The following PKD1L3 variants were observed in gnomAD, a reference collection of about 807,000 sequenced individuals.
PKD1L3 encodes the protein polycystin 1 like 3, transient receptor potential channel interacting, also known as polycystin-1-like protein 3.
Under a neutral mutation model 184.1 loss-of-function variants are expected in PKD1L3, and 239 were observed. The observed-to-expected ratio is 1.30, with a 90% CI of 1.17 to 1.45. PKD1L3 has a LOEUF of 1.45. PKD1L3 is among the 40% of genes most tolerant of loss of function. The pLI, the probability that PKD1L3 is intolerant of heterozygous loss-of-function variation, is 0.00. For synonymous variants in PKD1L3, 996 were observed against 778.8 expected, an observed-to-expected ratio of 1.28 and a Z score of -4.64; for missense variants, 2,660 against 2,067.2, an observed-to-expected ratio of 1.29 and a Z score of -5.56.
chr16:71,981,392 T>G (rs2040147671), intron 7 of PKD1L3, among the ~76,000 whole-genome samples: 1 of 152,230 alleles, frequency 6.6e-6, no homozygotes, highest in East Asian at 1.9e-4. Context: ...CTTGTTATTT[T>G]CTGTCTTTTT....
At chr16:71,945,010 A>C (rs1047118044) in intron 22 of PKD1L3, among the ~76,000 whole-genome samples, 1 of 151,542 alleles carries the variant, frequency 6.6e-6, no homozygotes, top group Non-Finnish European at 1.5e-5. Flanking sequence ...AAGCAGAAGC[A>C]TGCAAAATAC....
chr16:71,980,837 A>G (rs2040121829), intron 7 of PKD1L3, among the ~76,000 whole-genome samples: 1 of 152,188 alleles, frequency 6.6e-6, no homozygotes, highest in South Asian at 2.1e-4. Context: ...TCTGTCTCAT[A>G]AAATAAAATA....
At position 71,970,104 on chromosome 16, in the gene PKD1L3, A is replaced by C. The variant is rs973073805; in HGVS notation, c.1955T>G (p.Val652Gly). 3 of 1,550,786 alleles carry C rather than the reference A, an allele frequency of 1.9e-6. No individual in the cohort carries two copies. Among genetic ancestry groups the C allele is most frequent in the Non-Finnish European group, 2.6e-6 (3 of 1,146,314 alleles). Residue 652 changes from valine to glycine, a missense_variant and splice_region_variant, in exon 13 of 30, where the codon GTT (valine) becomes GGT (glycine). Val to Gly is a moderately radical substitution (Grantham distance 109). Transcript: ENST00000620267. ...CCTCAGAATTGTGCTCTGTGGCCCA[A>C]CCTGGAATTAGAATCAAGACGTTGA... ...NQTWSSAGCQ[V>G]GPQSTILRTQ...
intron 19 of PKD1L3, 33 bp from the exon 20 acceptor site, chr16:71,950,343 A>G: frequency 1.3e-6 from 2 of 1,482,750 alleles, no homozygotes; most frequent in Non-Finnish European, 1.8e-6. Context: ...CACTTTCACA[A>G]GTGGATTTCA....
intron 25 of PKD1L3, among the ~76,000 whole-genome samples, chr16:71,936,671 G>C (rs36060188): frequency 3.0e-4 from 45 of 152,012 alleles, no homozygotes; most frequent in Middle Eastern, 3.4e-3. Context: ...ATTTTTAGTA[G>C]AGACGGCATT....
chr16:71,948,646 G>C (rs767042645), intron 21 of PKD1L3, among the ~76,000 whole-genome samples: 2 of 151,878 alleles, frequency 1.3e-5, no homozygotes, highest in African/African-American at 2.4e-5. Flanking sequence ...CATTTCCTTG[G>C]CATTACTGTG....
intron 11 of PKD1L3, among the ~76,000 whole-genome samples, chr16:71,973,865 G>A (rs147885513): frequency 1.9e-3 from 286 of 152,198 alleles, no homozygotes; most frequent in South Asian, 4.0e-3. Context: ...AGTGGGGTGT[G>A]GTGATGTGAG....
chr16:71,957,035 T>C (rs1390646717), intron 16 of PKD1L3, among the ~76,000 whole-genome samples: 3 of 152,228 alleles, frequency 2.0e-5, no homozygotes, highest in South Asian at 2.1e-4. Flanking sequence ...TTGTATACTA[T>C]TGAAATTAAG....
Position 71,954,217 on chromosome 16 carries a change from C to G in PKD1L3, c.2697G>C (p.Gln899His). 6.4e-7 allele frequency: 1 copy of G among 1,551,460 alleles called. No homozygotes were observed. ...LSIATRHPWN[Q>H]FTRVQRLSCC... The stretch of plus-strand genomic sequence containing the variant: ...AAGACAGCCGTTGGACCCTTGTAAA[C>G]TGGTTCCAGGGATGCCGAGTTGCAA... The change falls in exon 17 of 30, where the codon CAG becomes CAC. Residue 899 changes from glutamine (Q) to histidine (H), a missense_variant. Transcript: ENST00000620267.
chr16:71,931,275 T>C (rs1434075884), intron 28 of PKD1L3: 1 of 152,052 alleles, frequency 6.6e-6, no homozygotes, highest in Non-Finnish European at 1.5e-5. Flanking sequence ...CCCCTAGTTA[T>C]TGGAGCTAGA....
chr16:71,963,169 C>G (rs2143532011), intron 16 of PKD1L3, 36 bp downstream of exon 16: 2 of 1,490,442 alleles, frequency 1.3e-6, no homozygotes, highest in Non-Finnish European at 1.8e-6. Context: ...TAGTGAACAT[C>G]AATATTCACT....
intron 10 of PKD1L3, among the ~76,000 whole-genome samples, chr16:71,978,014 T>C (rs1431355765): frequency 6.6e-6 from 1 of 152,136 alleles, no homozygotes; most frequent in African/African-American, 2.4e-5. Context: ...CCTCAAGTGA[T>C]CTGCCTGCCT....
Position 71,950,287 on chromosome 16 carries a change from AATG to A in PKD1L3, c.3211_3213del (p.His1071del). 1.3e-6 allele frequency: 2 copies of A among 1,528,110 alleles called. 1 individual carries two copies. Among genetic ancestry groups the A allele is most frequent in the Non-Finnish European group, 1.8e-6 (2 of 1,134,672 alleles). The allele number at this position is 1,528,110 out of a possible 1,614,324, so 94.7% of individuals were successfully genotyped here. On this transcript the variant is annotated inframe_deletion, in exon 20 of 30. Coordinates refer to ENST00000620267, the MANE Select transcript of PKD1L3 (RefSeq NM_181536.2). The stretch of plus-strand genomic sequence containing the variant: ...AGAACTCTATGCAGGTAACAGCAGA[AATG>A]ATGGTGGTTTTCAGGAACAACTGAA...
At chr16:71,946,966 T>G (rs1349926791) in intron 22 of PKD1L3, among the ~76,000 whole-genome samples, 3 of 141,688 alleles carry the variant, frequency 2.1e-5, no homozygotes, top group Non-Finnish European at 3.1e-5. Flanking sequence ...AGATCTAAAA[T>G]GTAGGGGAGT....
chr16:71,942,801 A>G lies in PKD1L3; in HGVS notation c.4083T>C (p.Cys1361=), dbSNP rs978768423. 6 of 1,551,468 alleles carry G rather than the reference A, an allele frequency of 3.9e-6. No individual in the cohort carries two copies. In the African/African-American group the frequency reaches 6.8e-5, roughly 18 times the overall value. ...GTATTTGGAAAATTAATTGTACCCC[A>G]CATTTGCAATGACTGGGCTCCAGGA... ...NAVLEPSHCK[C]GVQLIFQIPR... The change falls in exon 24 of 30, where the codon TGT becomes TGC. Residue 1361 remains cysteine (C), a synonymous_variant. Transcript: ENST00000620267.
At chr16:71,950,899 A>ATTT (rs781559242) in intron 19 of PKD1L3, among the ~76,000 whole-genome samples, 2 of 140,102 alleles carry the variant, frequency 1.4e-5, no homozygotes, top group African/African-American at 5.2e-5. Context: ...TGACCAGCTA[A>ATTT]TTTTTTTTTT....
intron 16 of PKD1L3, among the ~76,000 whole-genome samples, chr16:71,962,692 C>G (rs1022097670): frequency 1.3e-5 from 2 of 152,236 alleles, no homozygotes; most frequent in East Asian, 3.9e-4. Context: ...GTTGGCTAGG[C>G]TGGTCTTGAA....
chr16:71,939,108 A>G (rs949368086), intron 24 of PKD1L3, among the ~76,000 whole-genome samples: 5 of 152,206 alleles, frequency 3.3e-5, no homozygotes, highest in Non-Finnish European at 5.9e-5. Context: ...GGCATTCCTC[A>G]GATGCAGTTA....
intron 24 of PKD1L3, among the ~76,000 whole-genome samples, chr16:71,940,264 G>A (rs957043696): frequency 1.4e-4 from 22 of 152,116 alleles, no homozygotes; most frequent in African/African-American, 5.1e-4. Context: ...GGACTTGGGG[G>A]CACCAGCTAC....
Sources: allele counts gnomAD v4.1 joint callset (sites outside exome capture counted in the v4.1 genomes callset), GRCh38; gene constraint gnomAD v4.1.1; transcripts MANE v1.5; gene names NCBI Gene and HGNC (gene_info 2026-07-23, HGNC 2026-07-21).